Variants in AUTS2 observed in about 807,000 individuals in gnomAD.
AUTS2 encodes activator of transcription and developmental regulator AUTS2, also known as autism susceptibility gene 2 protein.
Under a neutral mutation model 112.4 loss-of-function variants are expected in AUTS2, and 17 were observed. The observed-to-expected ratio is 0.15, with a 90% confidence interval of 0.10 to 0.23. AUTS2 has a LOEUF of 0.23. Ranked by LOEUF, AUTS2 falls within the 10% of genes least tolerant of loss-of-function variation. The pLI is 1.00. For missense variants in AUTS2, 1,510 were observed against 1,701.6 expected, an observed-to-expected ratio of 0.89 and a Z score of 1.98; for synonymous variants, 751 against 702.7, an observed-to-expected ratio of 1.07 and a Z score of -1.09.
Position 69,599,466 on chromosome 7 carries a change from T to C in AUTS2, c.-188T>C. Reference sequence around the variant, plus strand: ...GTCCCTCCTCCCCTCTCTCCGCCCCTTCCCCCTTTTCTTTCTCCTCTCTTT... The same window carrying C: ...GTCCCTCCTCCCCTCTCTCCGCCCCCTCCCCCTTTTCTTTCTCCTCTCTTT... On this transcript the variant is annotated 5_prime_UTR_variant, in exon 1 of 19. Coordinates refer to ENST00000342771, the MANE Select transcript of AUTS2 (RefSeq NM_015570.4). This position sits in a 1 kb window ranked among gnomAD's most constrained non-coding sequence, Gnocchi z 7.0. 1 of 441,660 alleles carries C rather than the reference T, an allele frequency of 2.3e-6. No homozygotes were observed. 27.4% of individuals were successfully genotyped at this position (441,660 alleles called of 1,614,324 possible).
chr7:69,719,249 A>AT (rs1031401959), intron 1 of AUTS2, among the ~76,000 whole-genome samples: 3 of 151,872 alleles, frequency 2.0e-5, no homozygotes, highest in Admixed American at 6.6e-5. Flanking sequence ...AGCCCTTGAG[A>AT]TTTTTTTTAA....
chr7:70,384,899 C>T (rs1793538694), intron 4 of AUTS2, among the ~76,000 whole-genome samples: 1 of 152,008 alleles, frequency 6.6e-6, no homozygotes, highest in Admixed American at 6.5e-5. Context: ...CTTGGTATCA[C>T]TAGCCTTGCT....
chr7:70,595,974 T>C (rs1045263776), intron 5 of AUTS2: 1 of 149,934 alleles, frequency 6.7e-6, no homozygotes. Flanking sequence ...GCCTGCGCGC[T>C]TTGCCTGCGC....
rs1295648185 is a variant in AUTS2, at chr7:69,614,360, C to CT, written c.309+14401dup. On this transcript the variant is annotated intron_variant, in intron 1 of 18. Transcript: ENST00000342771. ...TCTTTCTTTCTTTCTTTCTTTCTTTCTTTCTTTTTTTAAGAGATGGGATCT... is the reference window on the plus strand; with the variant it reads ...TCTTTCTTTCTTTCTTTCTTTCTTTCTTTTCTTTTTTTAAGAGATGGGATCT... 9.0e-3 allele frequency among the ~76,000 whole-genome samples: 760 copies of CT among 84,622 alleles called. 26 individuals carry two copies. Among genetic ancestry groups the CT allele is most frequent in the South Asian group, 0.02 (48 of 2,414 alleles). The allele number at this position is 84,622 out of a possible 152,430, so 55.5% of individuals were successfully genotyped here.
chr7:69,654,577 C>T (rs910909687), intron 1 of AUTS2, among the ~76,000 whole-genome samples: 1 of 152,148 alleles, frequency 6.6e-6, no homozygotes, highest in African/African-American at 2.4e-5. Flanking sequence ...CAATAACATG[C>T]CATTATGTAC....
chr7:69,871,249 T>G (rs187400929), intron 1 of AUTS2, among the ~76,000 whole-genome samples: 1 of 152,186 alleles, frequency 6.6e-6, no homozygotes, highest in Non-Finnish European at 1.5e-5. Context: ...TCATGTTTGT[T>G]TTAGAACACT....
chr7:70,185,617 C>T lies in AUTS2; in HGVS notation c.660+51046C>T, dbSNP rs544227145. Among the ~76,000 whole-genome samples the T allele has an allele frequency of 2.5e-4, 38 of 152,172 alleles. No homozygotes were observed. The South Asian group carries it at 5.6e-3, about 22-fold the overall frequency. ...GGTCACGTTTTATGCTATTTAGGAT[C>T]GAAAATCAGTCAGTCATGAAGCCAT... On this transcript the variant is annotated intron_variant, in intron 4 of 18. Coordinates refer to ENST00000342771, the MANE Select transcript of AUTS2 (RefSeq NM_015570.4).
intron 5 of AUTS2, among the ~76,000 whole-genome samples, chr7:70,609,959 T>TG: frequency 8.1e-6 from 1 of 122,970 alleles, no homozygotes; most frequent in Non-Finnish European, 1.9e-5. Flanking sequence ...AGTTCTGTTT[T>TG]TTGTTGTTGT....
At chr7:70,089,135 C>A (rs757245303) in intron 2 of AUTS2, among the ~76,000 whole-genome samples, 50 of 152,170 alleles carry the variant, frequency 3.3e-4, no homozygotes, top group Middle Eastern at 6.8e-3. Flanking sequence ...AGTCTTATAT[C>A]CTTCTCGATT....
intron 4 of AUTS2, among the ~76,000 whole-genome samples, chr7:70,277,039 T>G (rs1040134751): frequency 6.6e-6 from 1 of 152,168 alleles, no homozygotes; most frequent in Admixed American, 6.5e-5. Flanking sequence ...GTGTGAAATA[T>G]ACATGGTTTT....
At chr7:70,064,314 T>G (rs1479881259) in intron 2 of AUTS2, among the ~76,000 whole-genome samples, 1 of 152,162 alleles carries the variant, frequency 6.6e-6, no homozygotes, top group African/African-American at 2.4e-5. Flanking sequence ...ACCCTTTGCT[T>G]TGCTGCTCAC....
intron 12 of AUTS2, chr7:70,774,448 T>G: frequency 4.3e-6 from 1 of 232,786 alleles, no homozygotes; most frequent in Non-Finnish European, 8.4e-6. Flanking sequence ...AGCTACAGAA[T>G]GTTTTGAATG....
At chr7:70,633,200 G>T (rs1805359436) in intron 5 of AUTS2, among the ~76,000 whole-genome samples, 2 of 152,210 alleles carry the variant, frequency 1.3e-5, no homozygotes, top group South Asian at 4.2e-4. Flanking sequence ...TCAGAGCGAG[G>T]GTCCCCCCAC....
At position 69,719,009 on chromosome 7, in the gene AUTS2, G is replaced by A. The variant is rs1798771554; in HGVS notation, c.309+119047G>A. 2.6e-5 allele frequency among the ~76,000 whole-genome samples: 4 copies of A among 152,160 alleles called. No homozygotes were observed. The South Asian group carries it at 8.3e-4, about 32-fold the overall frequency. The stretch of plus-strand genomic sequence containing the variant: ...CCTCTTAGCCAGCCCGCCCGCAGGG[G>A]TTTTGCACACACATTGTTACATCTC... On this transcript the variant is annotated intron_variant, in intron 1 of 18. Coordinates refer to ENST00000342771, the MANE Select transcript of AUTS2 (RefSeq NM_015570.4).
chr7:70,760,119 C>T (rs1789466757), intron 6 of AUTS2, among the ~76,000 whole-genome samples: 1 of 151,946 alleles, frequency 6.6e-6, no homozygotes, highest in Non-Finnish European at 1.5e-5. Context: ...CATTCTCCTG[C>T]CTCAGCCTCC....
intron 2 of AUTS2, among the ~76,000 whole-genome samples, chr7:70,075,470 T>A (rs1382223467): frequency 7.2e-5 from 11 of 152,180 alleles, no homozygotes; most frequent in African/African-American, 2.7e-4. Context: ...CTACATGTAT[T>A]TTATGAAAAC....
intron 4 of AUTS2, among the ~76,000 whole-genome samples, chr7:70,372,545 G>T (rs1032099945): frequency 2.0e-5 from 3 of 152,140 alleles, no homozygotes; most frequent in Non-Finnish European, 4.4e-5. Context: ...GAAACAAACA[G>T]TAGGGGGAAG....
chr7:70,541,313 A>G (rs1393741198), intron 5 of AUTS2, among the ~76,000 whole-genome samples: 1 of 152,078 alleles, frequency 6.6e-6, no homozygotes, highest in Non-Finnish European at 1.5e-5. Context: ...CTTGACAGAG[A>G]CCCATGCCAC....
chr7:70,575,842 A>G (rs1004111705), intron 5 of AUTS2, among the ~76,000 whole-genome samples: 3 of 151,958 alleles, frequency 2.0e-5, no homozygotes, highest in African/African-American at 2.4e-5. Context: ...ATACCACCCA[A>G]CGAGCTTTGC....
Sources: allele counts gnomAD v4.1 joint callset (sites outside exome capture counted in the v4.1 genomes callset), GRCh38; gene constraint gnomAD v4.1.1; non-coding constraint Gnocchi (gnomAD v3.1); transcripts MANE v1.5; gene names NCBI Gene and HGNC (gene_info 2026-07-23, HGNC 2026-07-21).